TMEM123: variants seen among roughly 807,000 people sequenced by gnomAD.
The protein encoded by TMEM123 is transmembrane protein 123.
Under a neutral mutation model 19.7 loss-of-function variants are expected in TMEM123, and 16 were observed. That is an observed-to-expected ratio of 0.81 (90% CI 0.55 to 1.23). The LOEUF (loss-of-function observed/expected upper bound fraction) is 1.23, where lower values mean the gene tolerates loss of function less well. TMEM123 is among the 50% of genes most tolerant of loss of function. The probability of loss-of-function intolerance (pLI) is 0.00; values close to 1 mark genes in which losing one functional copy is unlikely to be tolerated. For missense variants in TMEM123, 313 were observed against 257.8 expected, an observed-to-expected ratio of 1.21 and a Z score of -1.47; for synonymous variants, 118 against 99.4, an observed-to-expected ratio of 1.19 and a Z score of -1.12.
chr11:102,443,203 G>C (rs1252173736), intron 2 of TMEM123, among the ~76,000 whole-genome samples: 1 of 152,100 alleles, frequency 6.6e-6, no homozygotes, highest in African/African-American at 2.4e-5. Flanking sequence ...CTACTTTCAA[G>C]TTCATATGGA....
rs17349689 is a variant in TMEM123, at chr11:102,398,319, T to C, written c.*548A>G. ...TCTTTTTCTTGGAGTATTTTGTTTC[T>C]AGACCAACTACTACAGTTTAAAGCA... On this transcript the variant is annotated 3_prime_UTR_variant, in exon 5 of 5. Coordinates refer to ENST00000398136, the MANE Select transcript of TMEM123 (RefSeq NM_052932.3). The C allele has an allele frequency of 0.053, 18,637 of 350,740 alleles. 611 individuals carry two copies. Among genetic ancestry groups the C allele is most frequent in the Non-Finnish European group, 0.072 (14,263 of 197,048 alleles). 21.7% of individuals were successfully genotyped at this position (350,740 alleles called of 1,614,324 possible).
At chr11:102,407,546 T>G (rs924139712) in intron 2 of TMEM123, among the ~76,000 whole-genome samples, 1 of 152,232 alleles carries the variant, frequency 6.6e-6, no homozygotes, top group Non-Finnish European at 1.5e-5. Flanking sequence ...GGAGAGAGAA[T>G]CTTTACAAAG....
At chr11:102,403,095 C>G (rs1483157941) in intron 2 of TMEM123, among the ~76,000 whole-genome samples, 1 of 152,194 alleles carries the variant, frequency 6.6e-6, no homozygotes, top group East Asian at 1.9e-4. Flanking sequence ...AATGCAACCT[C>G]CGCCTCCTGG....
At chr11:102,406,384 A>G (rs1951955370) in intron 2 of TMEM123, among the ~76,000 whole-genome samples, 1 of 152,140 alleles carries the variant, frequency 6.6e-6, no homozygotes, top group South Asian at 2.1e-4. Context: ...CTGGACTTGG[A>G]TGGACACAGA....
At chr11:102,408,197 A>G (rs756398496) in intron 2 of TMEM123, among the ~76,000 whole-genome samples, 6 of 152,190 alleles carry the variant, frequency 3.9e-5, no homozygotes, top group Admixed American at 2.0e-4. Context: ...AACACCATCC[A>G]TGCACCTTCC....
chr11:102,423,422 GC>G (rs2135853309), intron 2 of TMEM123, among the ~76,000 whole-genome samples: 1 of 152,302 alleles, frequency 6.6e-6, no homozygotes, highest in East Asian at 1.9e-4. Flanking sequence ...TTTTAGGGAA[GC>G]CTGGCATGAT....
At chr11:102,417,652 A>G (rs967802087) in intron 2 of TMEM123, among the ~76,000 whole-genome samples, 1 of 152,238 alleles carries the variant, frequency 6.6e-6, no homozygotes, top group African/African-American at 2.4e-5. Context: ...TCTAAAATTC[A>G]TATGGATCCA....
At position 102,397,899 on chromosome 11, in the gene TMEM123, GTTCTTTTTCT is replaced by G. The variant is rs1473704449; in HGVS notation, c.*958_*967del. On this transcript the variant is annotated 3_prime_UTR_variant, in exon 5 of 5. Coordinates refer to ENST00000398136, the MANE Select transcript of TMEM123 (RefSeq NM_052932.3). ...TGTTCTTTTGAAAATCATACAAGCG[GTTCTTTTTCT>G]TAAAGTTAGGTGTGTTTACACTCAA... 1 of 152,102 alleles carries G rather than the reference GTTCTTTTTCT, an allele frequency of 6.6e-6. No individual in the cohort carries two copies. The highest frequency in any genetic ancestry group is 2.4e-5 in the African/African-American group (1 of 41,410). The allele number at this position is 152,102 out of a possible 1,614,324, so 9.4% of individuals were successfully genotyped here. A position where few individuals can be genotyped will look rare whatever the true frequency, so the allele number is the denominator to read the frequency against.
intron 2 of TMEM123, among the ~76,000 whole-genome samples, chr11:102,429,685 C>A (rs1952159170): frequency 6.6e-6 from 1 of 152,190 alleles, no homozygotes. Flanking sequence ...TTCTACCAAG[C>A]AAATGTTTGA....
intron 2 of TMEM123, among the ~76,000 whole-genome samples, chr11:102,414,571 A>G (rs1952029501): frequency 6.6e-6 from 1 of 152,256 alleles, no homozygotes; most frequent in Non-Finnish European, 1.5e-5. Context: ...AGAAATTTCA[A>G]CCAAGAATGT....
At chr11:102,441,845 G>A (rs529053665) in intron 2 of TMEM123, among the ~76,000 whole-genome samples, 16 of 151,898 alleles carry the variant, frequency 1.1e-4, no homozygotes, top group South Asian at 2.1e-4. Context: ...TCAAACAGAC[G>A]CAATAAAAAA....
intron 1 of TMEM123, 68 bp from the exon 2 acceptor site, chr11:102,448,936 T>A: frequency 6.6e-7 from 1 of 1,524,812 alleles, no homozygotes. Flanking sequence ...GTATGTGGTT[T>A]TCTGCCTAGC....
intron 2 of TMEM123, among the ~76,000 whole-genome samples, chr11:102,443,987 CACA>C (rs1254802998): frequency 6.6e-6 from 1 of 152,090 alleles, no homozygotes; most frequent in African/African-American, 2.4e-5. Flanking sequence ...AAATCAAAAC[CACA>C]ACGAGATACC....
chr11:102,423,162 T>C (rs1356253890), intron 2 of TMEM123, among the ~76,000 whole-genome samples: 1 of 152,228 alleles, frequency 6.6e-6, no homozygotes, highest in Non-Finnish European at 1.5e-5. Context: ...ATATCCCTAC[T>C]ATGTAACACA....
chr11:102,403,447 C>T (rs1432149482), intron 2 of TMEM123, among the ~76,000 whole-genome samples: 1 of 152,206 alleles, frequency 6.6e-6, no homozygotes, highest in Non-Finnish European at 1.5e-5. Context: ...TTCTTTTTAA[C>T]ACGACAATTT....
chr11:102,409,113 C>T (rs942077475), intron 2 of TMEM123, among the ~76,000 whole-genome samples: 1 of 152,152 alleles, frequency 6.6e-6, no homozygotes, highest in Non-Finnish European at 1.5e-5. Flanking sequence ...CAAATACACA[C>T]TTAAACCAGA....
At chr11:102,403,836 G>A (rs1400346040) in intron 2 of TMEM123, among the ~76,000 whole-genome samples, 1 of 152,066 alleles carries the variant, frequency 6.6e-6, no homozygotes, top group African/African-American at 2.4e-5. Context: ...CCATGAAAGG[G>A]GGTTGTTATA....
At chr11:102,435,306 T>A (rs1009652054) in intron 2 of TMEM123, among the ~76,000 whole-genome samples, 1 of 151,982 alleles carries the variant, frequency 6.6e-6, no homozygotes, top group Non-Finnish European at 1.5e-5. Flanking sequence ...TAAACATTTC[T>A]TCACAGAAAA....
chr11:102,413,830 T>C (rs573828079), intron 2 of TMEM123, among the ~76,000 whole-genome samples: 46 of 152,296 alleles, frequency 3.0e-4, no homozygotes, highest in Admixed American at 3.3e-4. Flanking sequence ...CAAAGAACCA[T>C]ACTGCCTCTC....
Sources: allele counts gnomAD v4.1 joint callset (sites outside exome capture counted in the v4.1 genomes callset), GRCh38; gene constraint gnomAD v4.1.1; transcripts MANE v1.5; gene names NCBI Gene and HGNC (gene_info 2026-07-23, HGNC 2026-07-21).